The following IARS1 variants were observed in gnomAD, a reference collection of about 807,000 sequenced individuals.
IARS1 encodes isoleucyl-tRNA synthetase 1, also known as isoleucine--tRNA ligase, cytoplasmic.
A neutral mutation model predicts 168.2 loss-of-function variants in IARS1; 124 were observed. The observed-to-expected ratio is 0.74, with a 90% CI of 0.64 to 0.86. IARS1 has a LOEUF of 0.86. Ranked by LOEUF, IARS1 falls within the 40% of genes least tolerant of loss-of-function variation. The pLI is 0.00. For synonymous variants in IARS1, 532 were observed against 529.4 expected, an observed-to-expected ratio of 1.00 and a Z score of -0.07; for missense variants, 1,452 against 1,515.8, an observed-to-expected ratio of 0.96 and a Z score of 0.70.
intron 27 of IARS1, among the ~76,000 whole-genome samples, chr9:92,243,601 A>G (rs1196003937): frequency 2.0e-5 from 3 of 151,948 alleles, no homozygotes; most frequent in Non-Finnish European, 4.4e-5. Context: ...CCCTCACATG[A>G]CTCTGCTTTT....
chr9:92,283,164 C>T (rs1471931877), intron 6 of IARS1, among the ~76,000 whole-genome samples: 1 of 152,320 alleles, frequency 6.6e-6, no homozygotes, highest in Non-Finnish European at 1.5e-5. Flanking sequence ...AATATACAGA[C>T]CGCGTAGAAT....
chr9:92,279,288 C>T (rs1834182998), intron 7 of IARS1, among the ~76,000 whole-genome samples: 1 of 152,172 alleles, frequency 6.6e-6, no homozygotes, highest in African/African-American at 2.4e-5. Flanking sequence ...AGCTCAGATA[C>T]AAAGTCTGCC....
chr9:92,236,818 T>C (rs1827611112), intron 30 of IARS1, among the ~76,000 whole-genome samples: 1 of 152,230 alleles, frequency 6.6e-6, no homozygotes, highest in Non-Finnish European at 1.5e-5. Context: ...CACTGCACTG[T>C]CCAGCCTGGG....
At chr9:92,292,080 A>C (rs1302338437) in intron 1 of IARS1, among the ~76,000 whole-genome samples, 1 of 150,116 alleles carries the variant, frequency 6.7e-6, no homozygotes, top group Non-Finnish European at 1.5e-5. Context: ...GCAGTGGCAC[A>C]ATCATGGCTC....
At chr9:92,288,930 C>T (rs1205825497) in intron 2 of IARS1, among the ~76,000 whole-genome samples, 9 of 151,978 alleles carry the variant, frequency 5.9e-5, no homozygotes, top group Admixed American at 2.6e-4. Flanking sequence ...TGCTTTAGGC[C>T]GCGCGTGATG....
chr9:92,277,553 C>CAGTA (rs1306199039), intron 9 of IARS1, among the ~76,000 whole-genome samples: 1 of 151,962 alleles, frequency 6.6e-6, no homozygotes, highest in African/African-American at 2.4e-5. Context: ...TGCTGTGTGC[C>CAGTA]AGTAGTCCCA....
intron 9 of IARS1, 76 bp from the exon 10 acceptor site, chr9:92,274,597 T>G: frequency 9.8e-7 from 1 of 1,019,606 alleles, no homozygotes; most frequent in Non-Finnish European, 1.5e-6. Context: ...CAGTTTTTCC[T>G]AAGAACCTGA....
chr9:92,247,741 G>A (rs888502898), intron 25 of IARS1, among the ~76,000 whole-genome samples, 190 bp from the exon 26 acceptor site: 3 of 152,344 alleles, frequency 2.0e-5, no homozygotes, highest in East Asian at 3.9e-4. Context: ...ATGAAGGACT[G>A]AAGCACTCAT....
At chr9:92,271,738 G>T in intron 10 of IARS1, 83 bp from the exon 11 acceptor site, 2 of 1,409,194 alleles carry the variant, frequency 1.4e-6, no homozygotes, top group Non-Finnish European at 2.0e-6. Context: ...CAAGATAATT[G>T]TTCTATATTG....
At chr9:92,227,482 A>T (rs867699154) in intron 31 of IARS1, among the ~76,000 whole-genome samples, 6 of 125,158 alleles carry the variant, frequency 4.8e-5, no homozygotes, top group Non-Finnish European at 8.5e-5. Context: ...CCAGGCAGAG[A>T]GGCTCCTCAC....
chr9:92,250,940 G>C, intron 22 of IARS1, 106 bp from the exon 23 acceptor site: 1 of 1,263,096 alleles, frequency 7.9e-7, no homozygotes, highest in East Asian at 2.4e-5. Context: ...CACAGTAATA[G>C]GCACCAAAAT....
At chr9:92,238,719 GTA>G (rs1827932752) in intron 30 of IARS1, among the ~76,000 whole-genome samples, 1 of 152,044 alleles carries the variant, frequency 6.6e-6, no homozygotes, top group African/African-American at 2.4e-5. Context: ...GTATCCTGTG[GTA>G]TAGTCTTTTC....
At chr9:92,289,508 T>C (rs2134004719) in intron 1 of IARS1, 82 bp from the exon 2 acceptor site, 3 of 720,132 alleles carry the variant, frequency 4.2e-6, no homozygotes, top group East Asian at 5.0e-5. Context: ...TGGGTGTACA[T>C]GACACTATCC....
chr9:92,260,299 A>C, intron 17 of IARS1, 65 bp from the exon 18 acceptor site: 1 of 1,054,006 alleles, frequency 9.5e-7, no homozygotes, highest in South Asian at 1.3e-5. Context: ...TGTTTTAAGG[A>C]TACAAATCAT....
At position 92,285,848 on chromosome 9, in the gene IARS1, AGATG is replaced by A. The variant is rs778791827; in HGVS notation, c.480-13_480-10del. Reference sequence around the variant, plus strand: ...GTTGTTTGAAGACCCACCTGGTAAGAGATGGAGTTTCACAATTACAGAACAAAAT... The same window carrying A: ...GTTGTTTGAAGACCCACCTGGTAAGAGAGTTTCACAATTACAGAACAAAAT... On this transcript the variant is annotated splice_polypyrimidine_tract_variant and intron_variant, in intron 5 of 33. Coordinates refer to ENST00000443024, the MANE Select transcript of IARS1 (RefSeq NM_002161.6). 1.6e-5 allele frequency: 24 copies of A among 1,465,488 alleles called. No individual in the cohort carries two copies. Among genetic ancestry groups the A allele is most frequent in the Non-Finnish European group, 2.2e-5 (23 of 1,049,402 alleles). The allele number at this position is 1,465,488 out of a possible 1,614,324, so 90.8% of individuals were successfully genotyped here.
intron 9 of IARS1, 59 bp downstream of exon 9, chr9:92,277,804 C>T: frequency 1.4e-6 from 2 of 1,426,122 alleles, no homozygotes; most frequent in Non-Finnish European, 9.8e-7. Flanking sequence ...CTCACAACAC[C>T]CCAGCTATCA....
At chr9:92,293,261 T>A (rs1836673000) in intron 1 of IARS1, among the ~76,000 whole-genome samples, 1 of 152,190 alleles carries the variant, frequency 6.6e-6, no homozygotes, top group South Asian at 2.1e-4. Flanking sequence ...GAAAACAATC[T>A]AAATATTCAT....
At chr9:92,289,654 C>G (rs1487913152) in intron 1 of IARS1, among the ~76,000 whole-genome samples, 1 of 152,090 alleles carries the variant, frequency 6.6e-6, no homozygotes, top group Admixed American at 6.6e-5. Flanking sequence ...CGTTTTCAAC[C>G]TCCCCTCCCC....
rs148487313 is a variant in IARS1 at position 92,247,544 on chromosome 9, T to C, written c.2624A>G (p.Asn875Ser). 8.2e-5 allele frequency: 132 copies of C among 1,613,020 alleles called. No homozygotes were observed. Among genetic ancestry groups the C allele is most frequent in the East Asian group, 1.1e-4 (5 of 44,880 alleles). Reference protein sequence around the residue: ...SLEKYIIEELNVRKVTLSTDK... With the variant: ...SLEKYIIEELSVRKVTLSTDK... ...TGTAGACAGTGTAACTTTTCGAACA[T>C]TGAGTTCCTACAGTTAATGCACAAG... The change falls in exon 26 of 34, where the codon AAT becomes AGT. Residue 875 changes from asparagine to serine, a missense_variant. By Grantham distance (46) the Asn-to-Ser change is conservative. Coordinates refer to ENST00000443024, the MANE Select transcript of IARS1 (RefSeq NM_002161.6).
Sources: gnomAD v4.1 joint callset for allele counts (sites outside exome capture counted in the v4.1 genomes callset) on GRCh38, gnomAD v4.1.1 for gene constraint, MANE v1.5 for transcripts, NCBI Gene and HGNC (gene_info 2026-07-23, HGNC 2026-07-21) for gene names.